Variants in USP17L4 observed in about 807,000 individuals in gnomAD.
USP17L4 encodes the protein ubiquitin specific peptidase 17 like family member 4.
USP17L4 carries 16 observed loss-of-function variants against 20.2 expected under a neutral mutation model. The observed-to-expected ratio is 0.79, with a 90% CI of 0.54 to 1.20. The LOEUF (loss-of-function observed/expected upper bound fraction) is 1.20. USP17L4 is among the 50% of genes most tolerant of loss of function. The probability of loss-of-function intolerance (pLI) is 0.00; values close to 1 mark genes in which losing one functional copy is unlikely to be tolerated. For missense variants in USP17L4, 211 were observed against 316.9 expected, an observed-to-expected ratio of 0.67 and a Z score of 2.54; for synonymous variants, 92 against 122.5, an observed-to-expected ratio of 0.75 and a Z score of 1.65.
chr8:7,338,090 G>C lies in USP17L4; in HGVS notation c.976G>C (p.Ala326Pro). ...TGTCCTCTATGCTGTGCTGGTCCAC[G>C]CTGGGTGGAGTTGTCACGACGGATA... ...VYVLYAVLVH[A>P]GWSCHDGYYF... The change falls in exon 1 of 1, where the codon GCT (alanine) becomes CCT (proline). Residue 326 changes from alanine (A) to proline (P), a missense_variant. Transcript: ENST00000526929. The C allele has an allele frequency of 6.4e-7, 1 of 1,563,816 alleles. No homozygotes were observed. Among genetic ancestry groups the C allele is most frequent in the South Asian group, 1.1e-5 (1 of 89,312 alleles).
Position 7,338,222 on chromosome 8 carries a change from C to T in USP17L4, c.1108C>T (p.Leu370Phe). Residue 370 changes from leucine to phenylalanine, a missense_variant, in exon 1 of 1, where the codon CTC becomes TTC. Around this residue, in one of 5 missense-constraint regions of USP17L4, gnomAD observed 140 missense variants for 167.6 expected, o/e 0.84. Transcript: ENST00000526929. ...TSVLSQQAYV[L>F]FYIQKSEWER... ...TGTCCTGAGTCAACAGGCCTATGTC[C>T]TCTTTTACATCCAGAAGAGTGAATG... 2 of 1,396,588 alleles carry T rather than the reference C, an allele frequency of 1.4e-6. No homozygotes were observed. The highest frequency in any genetic ancestry group is 1.2e-5 in the South Asian group (1 of 84,906). The allele number at this position is 1,396,588 out of a possible 1,614,324, so 86.5% of individuals were successfully genotyped here.
chr8:7,338,230 C>G, the USP17L4 span: 5 of 1,344,866 alleles, frequency 3.7e-6, 1 homozygote, highest in East Asian at 1.2e-4. Context: ...TCCTCTTTTA[C>G]ATCCAGAAGA....
rs1336455967 is a variant in USP17L4, at chr8:7,337,310, G to C, written c.196G>C (p.Glu66Gln). The C allele has an allele frequency of 1.5e-5, 7 of 468,278 alleles. No homozygotes were observed. The highest frequency in any genetic ancestry group is 2.1e-5 in the Non-Finnish European group (6 of 281,578). The allele number at this position is 468,278 out of a possible 1,614,324, so 29.0% of individuals were successfully genotyped here. Residue 66 changes from glutamate (E) to glutamine (Q), a missense_variant, in exon 1 of 1, where the codon GAG (glutamate) becomes CAG (glutamine). Around this residue, in one of 5 missense-constraint regions of USP17L4, gnomAD observed 56 missense variants for 46.3 expected, o/e 1.21. Transcript: ENST00000526929. ...TGTGGCAAGACAGCTCGCTCCCAGG[G>C]AGAAGCTTCCTCTGAGTAGCAGGAG... ...APVARQLAPR[E>Q]KLPLSSRRPA...
In USP17L4 at chr8:7,338,205, G is replaced by A; in HGVS notation, c.1091G>A (p.Ser364Asn). ...VTVCSITSVLSQQAYVLFYIQ... is the reference protein window; with the variant it reads ...VTVCSITSVLNQQAYVLFYIQ... ...GTCTGTAGCATCACTTCTGTCCTGAGTCAACAGGCCTATGTCCTCTTTTAC... is the reference window on the plus strand; with the variant it reads ...GTCTGTAGCATCACTTCTGTCCTGAATCAACAGGCCTATGTCCTCTTTTAC... Residue 364 changes from serine (S) to asparagine (N), a missense_variant, in exon 1 of 1, where the codon AGT (serine) becomes AAT (asparagine). Transcript: ENST00000526929. 1 of 1,475,308 alleles carries A rather than the reference G, an allele frequency of 6.8e-7. No individual in the cohort carries two copies. 91.4% of individuals were successfully genotyped at this position (1,475,308 alleles called of 1,614,324 possible). A position where few individuals can be genotyped will look rare whatever the true frequency, so the allele number is the denominator to read the frequency against.
At position 7,338,116 on chromosome 8, in the gene USP17L4, T is replaced by C. The variant is rs746750613; in HGVS notation, c.1002T>C (p.Tyr334=). The change falls in exon 1 of 1, where the codon TAT becomes TAC. Residue 334 remains tyrosine, a synonymous_variant. Transcript: ENST00000526929. ...CTGGGTGGAGTTGTCACGACGGATA[T>C]TACTTCTCTTATGTCAAAGCTCAAG... ...VHAGWSCHDG[Y]YFSYVKAQEG... is the part of the protein sequence containing the mutation. 1.3e-6 allele frequency: 2 copies of C among 1,570,242 alleles called. No homozygotes were observed. The highest frequency in any genetic ancestry group is 1.7e-6 in the Non-Finnish European group (2 of 1,170,668).
rs1804603968 is a variant in USP17L4 at position 7,337,286 on chromosome 8, G to T, written c.172G>T (p.Val58Leu). 4.2e-6 allele frequency: 2 copies of T among 478,300 alleles called. No individual in the cohort carries two copies. The highest frequency in any genetic ancestry group is 4.8e-4 in the Middle Eastern group (1 of 2,086). The allele number at this position is 478,300 out of a possible 1,614,324, so 29.6% of individuals were successfully genotyped here. A position where few individuals can be genotyped will look rare whatever the true frequency, so the allele number is the denominator to read the frequency against. The stretch of plus-strand genomic sequence containing the variant: ...CGACCTCTGTGATGATTTGGCTCCT[G>T]TGGCAAGACAGCTCGCTCCCAGGGA... Reference protein sequence around the residue: ...RVDLCDDLAPVARQLAPREKL... With the variant: ...RVDLCDDLAPLARQLAPREKL... Residue 58 changes from valine to leucine, a missense_variant, in exon 1 of 1, where the codon GTG becomes TTG. By Grantham distance (32) the Val-to-Leu change is conservative. This residue lies in a region of USP17L4 where 56 missense variants were observed against 46.3 expected (regional missense o/e 1.21). Transcript: ENST00000526929.
rs1360535241 is a variant in USP17L4 at position 7,337,957 on chromosome 8, G to A, written c.843G>A (p.Lys281=). 1 of 804,438 alleles carries A rather than the reference G, an allele frequency of 1.2e-6. No individual in the cohort carries two copies. Among genetic ancestry groups the A allele is most frequent in the East Asian group, 2.6e-5 (1 of 37,838 alleles). 49.8% of individuals were successfully genotyped at this position (804,438 alleles called of 1,614,324 possible). ...TSAKVLILVL[K]RFSDVAGNKL... The stretch of plus-strand genomic sequence containing the variant: ...CCAAGGTCCTCATCCTTGTCTTGAA[G>A]AGATTCTCCGATGTCGCAGGCAACA... Residue 281 remains lysine, a synonymous_variant, in exon 1 of 1, where the codon AAG becomes AAA. Transcript: ENST00000526929.
At position 7,338,093 on chromosome 8, in the gene USP17L4, G is replaced by A. The variant is rs766475210; in HGVS notation, c.979G>A (p.Gly327Arg). ...YVLYAVLVHA[G>R]WSCHDGYYFS... ...CCTCTATGCTGTGCTGGTCCACGCT[G>A]GGTGGAGTTGTCACGACGGATATTA... is the stretch of plus-strand genomic sequence containing the variant. Residue 327 changes from glycine to arginine, a missense_variant, in exon 1 of 1, where the codon GGG becomes AGG. Physicochemically the swap from Gly to Arg is moderately radical, Grantham distance 125. Coordinates refer to ENST00000526929, the MANE Select transcript of USP17L4 (RefSeq NM_001256874.1). 6.4e-7 allele frequency: 1 copy of A among 1,565,312 alleles called. No individual in the cohort carries two copies. The highest frequency in any genetic ancestry group is 8.6e-7 in the Non-Finnish European group (1 of 1,167,682).
In USP17L4 at chr8:7,338,089, C is replaced by G. The variant is rs750806733; in HGVS notation, c.975C>G (p.His325Gln). 12 of 1,563,536 alleles carry G rather than the reference C, an allele frequency of 7.7e-6. No individual in the cohort carries two copies. The highest frequency in any genetic ancestry group is 9.4e-6 in the Non-Finnish European group (11 of 1,166,496). ...ATGTCCTCTATGCTGTGCTGGTCCACGCTGGGTGGAGTTGTCACGACGGAT... is the reference window on the plus strand; with the variant it reads ...ATGTCCTCTATGCTGTGCTGGTCCAGGCTGGGTGGAGTTGTCACGACGGAT... The part of the protein sequence containing the change: ...LVYVLYAVLV[H>Q]AGWSCHDGYY... The change falls in exon 1 of 1, where the codon CAC (histidine) becomes CAG (glutamine). Residue 325 changes from histidine (H) to glutamine (Q), a missense_variant. This residue lies in a region of USP17L4 where 140 missense variants were observed against 167.6 expected (regional missense o/e 0.84). Coordinates refer to ENST00000526929, the MANE Select transcript of USP17L4 (RefSeq NM_001256874.1).
In USP17L4 at chr8:7,337,426, T is replaced by C. The variant is rs1804614498; in HGVS notation, c.312T>C (p.Leu104=). 7 of 430,140 alleles carry C rather than the reference T, an allele frequency of 1.6e-5. No individual in the cohort carries two copies. The highest frequency in any genetic ancestry group is 1.9e-5 in the Non-Finnish European group (5 of 261,118). The allele number at this position is 430,140 out of a possible 1,614,324, so 26.6% of individuals were successfully genotyped here. The part of the protein sequence containing the change: ...SLQCLTYTLP[L]ANYMLSREHS... The stretch of plus-strand genomic sequence containing the variant: ...AGTGCCTGACATACACACTGCCCCT[T>C]GCCAACTACATGCTGTCCCGGGAGC... Residue 104 remains leucine (L), a synonymous_variant, in exon 1 of 1, where the codon CTT becomes CTC. Coordinates refer to ENST00000526929, the MANE Select transcript of USP17L4 (RefSeq NM_001256874.1).
At position 7,338,287 on chromosome 8, in the gene USP17L4, A is replaced by G; in HGVS notation, c.1173A>G (p.Pro391=). The G allele has an allele frequency of 7.7e-7, 1 of 1,297,196 alleles. No individual in the cohort carries two copies. The highest frequency in any genetic ancestry group is 1.1e-6 in the Non-Finnish European group (1 of 941,554). 80.4% of individuals were successfully genotyped at this position (1,297,196 alleles called of 1,614,324 possible). ...AGAGTGTGTCAAGAGGCAGGGAACCAAGAGCCCTTGGCGCTGAAGACACAG... is the reference window on the plus strand; with the variant it reads ...AGAGTGTGTCAAGAGGCAGGGAACCGAGAGCCCTTGGCGCTGAAGACACAG... ...HSESVSRGRE[P]RALGAEDTDR... The change falls in exon 1 of 1, where the codon CCA becomes CCG. Residue 391 remains proline, a synonymous_variant. Transcript: ENST00000526929.
rs754999461 is a variant in USP17L4, at chr8:7,338,103, G to T, written c.989G>T (p.Cys330Phe). Residue 330 changes from cysteine (C) to phenylalanine (F), a missense_variant, in exon 1 of 1, where the codon TGT (cysteine) becomes TTT (phenylalanine). Coordinates refer to ENST00000526929, the MANE Select transcript of USP17L4 (RefSeq NM_001256874.1). ...YAVLVHAGWSCHDGYYFSYVK... is the reference protein window; with the variant it reads ...YAVLVHAGWSFHDGYYFSYVK... ...GTGCTGGTCCACGCTGGGTGGAGTT[G>T]TCACGACGGATATTACTTCTCTTAT... is the stretch of plus-strand genomic sequence containing the variant. The T allele has an allele frequency of 1.8e-5, 28 of 1,569,542 alleles. 2 individuals carry two copies. The highest frequency in any genetic ancestry group is 4.3e-5 in the African/African-American group (2 of 46,690).
At chr8:7,338,098 G>A in the USP17L4 span, 2 of 1,567,276 alleles carry the variant, frequency 1.3e-6, no homozygotes, top group East Asian at 2.3e-5. Context: ...ACGCTGGGTG[G>A]AGTTGTCACG....
In USP17L4 at chr8:7,337,988, G is replaced by A; in HGVS notation, c.874G>A (p.Ala292Thr). ...RFSDVAGNKL[A>T]KNVQYPECLD... is the part of the protein sequence containing the mutation. ...CTCCGATGTCGCAGGCAACAAACTTGCCAAGAATGTGCAATATCCTGAGTG... is the reference window on the plus strand; with the variant it reads ...CTCCGATGTCGCAGGCAACAAACTTACCAAGAATGTGCAATATCCTGAGTG... Residue 292 changes from alanine to threonine, a missense_variant, in exon 1 of 1, where the codon GCC becomes ACC. Coordinates refer to ENST00000526929, the MANE Select transcript of USP17L4 (RefSeq NM_001256874.1). The A allele has an allele frequency of 1.2e-6, 1 of 863,784 alleles. No homozygotes were observed. The highest frequency in any genetic ancestry group is 1.8e-6 in the Non-Finnish European group (1 of 548,458). The allele number at this position is 863,784 out of a possible 1,614,324, so 53.5% of individuals were successfully genotyped here. A position where few individuals can be genotyped will look rare whatever the true frequency, so the allele number is the denominator to read the frequency against.
chr8:7,337,178 T>A lies in USP17L4; in HGVS notation c.64T>A (p.Ser22Thr). ...WQFNHFSKLT[S>T]SRPDAAFAEI... is the part of the protein sequence containing the mutation. ...GTTCAACCACTTTTCAAAACTCACA[T>A]CTTCTCGGCCAGATGCAGCTTTTGC... is the stretch of plus-strand genomic sequence containing the variant. The change falls in exon 1 of 1, where the codon TCT becomes ACT. Residue 22 changes from serine to threonine, a missense_variant. By Grantham distance (58) the Ser-to-Thr change is moderately conservative. Around this residue, in one of 5 missense-constraint regions of USP17L4, gnomAD observed 56 missense variants for 46.3 expected, o/e 1.21. Transcript: ENST00000526929. 1 of 561,484 alleles carries A rather than the reference T, an allele frequency of 1.8e-6. No homozygotes were observed. The highest frequency in any genetic ancestry group is 3.0e-6 in the Non-Finnish European group (1 of 334,520). The allele number at this position is 561,484 out of a possible 1,614,324, so 34.8% of individuals were successfully genotyped here. A position where few individuals can be genotyped will look rare whatever the true frequency, so the allele number is the denominator to read the frequency against.
rs1413042105 is a variant in USP17L4 at position 7,337,909 on chromosome 8, C to T, written c.795C>T (p.Asn265=). The change falls in exon 1 of 1, where the codon AAC becomes AAT. Residue 265 remains asparagine (N), a synonymous_variant. Transcript: ENST00000526929. ...GTCTCCAGAGGGCGCCGGCCTCCAA[C>T]ACGTTAACTTTACACACTTCTGCCA... ...GLCLQRAPAS[N]TLTLHTSAKV... The T allele has an allele frequency of 1.6e-6, 1 of 632,472 alleles. No individual in the cohort carries two copies. The highest frequency in any genetic ancestry group is 2.7e-6 in the Non-Finnish European group (1 of 374,226). 39.2% of individuals were successfully genotyped at this position (632,472 alleles called of 1,614,324 possible). A position where few individuals can be genotyped will look rare whatever the true frequency, so the allele number is the denominator to read the frequency against.
Position 7,338,270 on chromosome 8 carries a change from T to C in USP17L4, c.1156T>C (p.Ser386Pro). 1.6e-6 allele frequency: 2 copies of C among 1,235,892 alleles called. No homozygotes were observed. The highest frequency in any genetic ancestry group is 2.3e-6 in the Non-Finnish European group (2 of 885,262). 76.6% of individuals were successfully genotyped at this position (1,235,892 alleles called of 1,614,324 possible). The change falls in exon 1 of 1, where the codon TCA becomes CCA. Residue 386 changes from serine (S) to proline (P), a missense_variant. Around this residue, in one of 5 missense-constraint regions of USP17L4, gnomAD observed 140 missense variants for 167.6 expected, o/e 0.84. Coordinates refer to ENST00000526929, the MANE Select transcript of USP17L4 (RefSeq NM_001256874.1). The part of the protein sequence containing the change: ...SEWERHSESV[S>P]RGREPRALGA... ...ATGGGAAAGACACAGTGAGAGTGTG[T>C]CAAGAGGCAGGGAACCAAGAGCCCT...
chr8:7,338,298 G>C lies in USP17L4; in HGVS notation c.1184G>C (p.Gly395Ala). 7.6e-7 allele frequency: 1 copy of C among 1,322,930 alleles called. No homozygotes were observed. The highest frequency in any genetic ancestry group is 2.4e-5 in the East Asian group (1 of 42,004). The allele number at this position is 1,322,930 out of a possible 1,614,324, so 81.9% of individuals were successfully genotyped here. The change falls in exon 1 of 1, where the codon GGC becomes GCC. Residue 395 changes from glycine (G) to alanine (A), a missense_variant. Physicochemically the swap from Gly to Ala is moderately conservative, Grantham distance 60. Around this residue, in one of 5 missense-constraint regions of USP17L4, gnomAD observed 140 missense variants for 167.6 expected, o/e 0.84. Transcript: ENST00000526929. ...VSRGREPRALGAEDTDRPATQ... is the reference protein window; with the variant it reads ...VSRGREPRALAAEDTDRPATQ... ...AGAGGCAGGGAACCAAGAGCCCTTG[G>C]CGCTGAAGACACAGACAGGCCAGCA...
rs758593663 is a variant in USP17L4, at chr8:7,338,172, A to G, written c.1058A>G (p.Glu353Gly). 18 of 1,523,426 alleles carry G rather than the reference A, an allele frequency of 1.2e-5. 2 individuals are homozygous for G. The highest frequency in any genetic ancestry group is 1.3e-5 in the Non-Finnish European group (15 of 1,130,944). 94.4% of individuals were successfully genotyped at this position (1,523,426 alleles called of 1,614,324 possible). A position where few individuals can be genotyped will look rare whatever the true frequency, so the allele number is the denominator to read the frequency against. Reference protein sequence around the residue: ...EGQWYKMDDAEVTVCSITSVL... With the variant: ...EGQWYKMDDAGVTVCSITSVL... ...CAGTGGTATAAAATGGATGATGCCG[A>G]GGTCACTGTCTGTAGCATCACTTCT... is the stretch of plus-strand genomic sequence containing the variant. The change falls in exon 1 of 1, where the codon GAG (glutamate) becomes GGG (glycine). Residue 353 changes from glutamate to glycine, a missense_variant. Transcript: ENST00000526929.
Sources: gnomAD v4.1 joint callset for allele counts on GRCh38, gnomAD v4.1.1 for gene constraint, gnomAD v4.1.1 regional missense constraint, MANE v1.5 for transcripts, NCBI Gene and HGNC (gene_info 2026-07-23, HGNC 2026-07-21) for gene names.